DSCAML1: variants seen among roughly 807,000 people sequenced by gnomAD.
The protein encoded by DSCAML1 is cell adhesion molecule DSCAML1.
In DSCAML1, 38 loss-of-function variants were observed where a neutral mutation model predicts 200.5. The ratio of observed to expected loss-of-function variants is 0.19; its 90% CI spans 0.15 to 0.25. DSCAML1 has a LOEUF of 0.25. Ranked by LOEUF, DSCAML1 falls within the 10% of genes least tolerant of loss-of-function variation. The pLI is 1.00. For synonymous variants in DSCAML1, 1,215 were observed against 1,165.0 expected, an observed-to-expected ratio of 1.04 and a Z score of -0.87; for missense variants, 2,223 against 2,858.8, an observed-to-expected ratio of 0.78 and a Z score of 5.07.
At position 117,460,103 on chromosome 11, in the gene DSCAML1, G is replaced by A. The variant is rs191632576; in HGVS notation, c.3413-1194C>T. ...TTACTGAGGCTAATACATTCCTTAG[G>A]GGCTAAGCTGGAGAAGCCCGCAGGC... On this transcript the variant is annotated intron_variant, in intron 18 of 32. Coordinates refer to ENST00000651296, the MANE Select transcript of DSCAML1 (RefSeq NM_020693.4). Among the ~76,000 whole-genome samples, 7 of 152,340 alleles carry A rather than the reference G, an allele frequency of 4.6e-5. No individual in the cohort carries two copies. In the East Asian group the frequency reaches 7.7e-4, roughly 17 times the overall value.
intron 3 of DSCAML1, among the ~76,000 whole-genome samples, chr11:117,696,924 G>A (rs1361538576): frequency 6.6e-6 from 1 of 152,146 alleles, no homozygotes; most frequent in Non-Finnish European, 1.5e-5. Context: ...GGCAGCTGCT[G>A]GCATTTAAGC....
At chr11:117,564,292 G>A (rs924230337) in intron 3 of DSCAML1, among the ~76,000 whole-genome samples, 2 of 152,106 alleles carry the variant, frequency 1.3e-5, no homozygotes, top group South Asian at 2.1e-4. Flanking sequence ...ATTGCCTTCC[G>A]AGATGGAATC....
chr11:117,746,636 G>A (rs1251987165), intron 3 of DSCAML1, among the ~76,000 whole-genome samples: 1 of 152,184 alleles, frequency 6.6e-6, no homozygotes, highest in Non-Finnish European at 1.5e-5. Flanking sequence ...CCTAGCAGCT[G>A]CTGACACTCC....
intron 3 of DSCAML1, among the ~76,000 whole-genome samples, chr11:117,643,736 C>T (rs2052460756): frequency 6.6e-6 from 1 of 152,124 alleles, no homozygotes; most frequent in Admixed American, 6.5e-5. Context: ...GGTGATCACC[C>T]AGGCACCATC....
chr11:117,696,514 G>A (rs1389679580), intron 3 of DSCAML1, among the ~76,000 whole-genome samples: 1 of 152,190 alleles, frequency 6.6e-6, no homozygotes, highest in Non-Finnish European at 1.5e-5. Context: ...CCCTGTTTCA[G>A]TTTGGTCATT....
chr11:117,772,548 C>T (rs2055058492), intron 3 of DSCAML1, among the ~76,000 whole-genome samples: 1 of 152,188 alleles, frequency 6.6e-6, no homozygotes, highest in South Asian at 2.1e-4. Context: ...CCAAACTCCC[C>T]GCTGGGGCCA....
At chr11:117,743,087 C>T (rs1386080377) in intron 3 of DSCAML1, among the ~76,000 whole-genome samples, 6 of 152,184 alleles carry the variant, frequency 3.9e-5, no homozygotes, top group Non-Finnish European at 5.9e-5. Flanking sequence ...TTTGAGCCAA[C>T]CTCTGTGCTA....
At chr11:117,454,683 T>C (rs1460302051) in intron 19 of DSCAML1, among the ~76,000 whole-genome samples, 1 of 152,252 alleles carries the variant, frequency 6.6e-6, no homozygotes. Flanking sequence ...ACACGGCATT[T>C]GCAAAATAGT....
chr11:117,428,051 CTATATATGTA>C lies in DSCAML1; in HGVS notation c.*267_*276del. On this transcript the variant is annotated 3_prime_UTR_variant, in exon 33 of 33. Coordinates refer to ENST00000651296, the MANE Select transcript of DSCAML1 (RefSeq NM_020693.4). ...AGCTCGTGGACGCGTTCCTGTCTGT[CTATATATGTA>C]TATATATCTCCACACATATTTTGTG... 5.8e-6 allele frequency: 2 copies of C among 342,714 alleles called. No individual in the cohort carries two copies. Among genetic ancestry groups the C allele is most frequent in the Non-Finnish European group, 1.0e-5 (2 of 190,480 alleles). 21.2% of individuals were successfully genotyped at this position (342,714 alleles called of 1,614,324 possible).
rs2048897851 is a variant in DSCAML1, at chr11:117,480,749, G to C, written c.2657-178C>G. The stretch of plus-strand genomic sequence containing the variant: ...CAGGCTTGGAGGCTGAGGAGGCCTG[G>C]CTTGCTCTCCTGTCTTGCTGCCATC... On this transcript the variant is annotated intron_variant, in intron 13 of 32. Coordinates refer to ENST00000651296, the MANE Select transcript of DSCAML1 (RefSeq NM_020693.4). The surrounding 1 kb of genome is among the most constrained non-coding windows in gnomAD (Gnocchi z 4.1). 6.6e-6 allele frequency among the ~76,000 whole-genome samples: 1 copy of C among 152,146 alleles called. No individual in the cohort carries two copies.
At chr11:117,632,227 C>T (rs116979369) in intron 3 of DSCAML1, among the ~76,000 whole-genome samples, 2,398 of 152,308 alleles carry the variant, frequency 0.016, 31 homozygotes, top group East Asian at 0.058. Flanking sequence ...TCTCCTAAAG[C>T]CTCCTTATCA....
chr11:117,501,554 A>G (rs1407472439), intron 11 of DSCAML1, among the ~76,000 whole-genome samples: 2 of 152,040 alleles, frequency 1.3e-5, no homozygotes, highest in Non-Finnish European at 2.9e-5. Flanking sequence ...TCTGGGTGGC[A>G]TGAGGGCCTC....
chr11:117,615,143 C>T (rs1241876810), intron 3 of DSCAML1, among the ~76,000 whole-genome samples: 3 of 152,166 alleles, frequency 2.0e-5, no homozygotes, highest in Non-Finnish European at 4.4e-5. Context: ...CAGTTGAGTC[C>T]CTGGTGGCTC....
chr11:117,530,499 G>A (rs867469568), intron 4 of DSCAML1, among the ~76,000 whole-genome samples: 8 of 152,360 alleles, frequency 5.3e-5, no homozygotes, highest in African/African-American at 1.9e-4. Flanking sequence ...GCTGCACGGA[G>A]CAGCCCCGTC....
rs2049431691 is a variant in DSCAML1 at position 117,503,252 on chromosome 11, T to C, written c.2359+593A>G. On this transcript the variant is annotated intron_variant, in intron 11 of 32. Transcript: ENST00000651296. This position sits in a 1 kb window ranked among gnomAD's most constrained non-coding sequence, Gnocchi z 5.2. The stretch of plus-strand genomic sequence containing the variant: ...GGGCTTTTCTGAAGCATCCTCCTCT[T>C]TCCAAGATCAGTTCCTGCAGGACTC... Among the ~76,000 whole-genome samples the C allele has an allele frequency of 6.6e-6, 1 of 152,158 alleles. No homozygotes were observed. The highest frequency in any genetic ancestry group is 2.4e-5 in the African/African-American group (1 of 41,434).
At position 117,505,436 on chromosome 11, in the gene DSCAML1, T is replaced by C; in HGVS notation, c.2062+18A>G. 6.2e-7 allele frequency: 1 copy of C among 1,602,562 alleles called. No individual in the cohort carries two copies. The highest frequency in any genetic ancestry group is 2.2e-5 in the East Asian group (1 of 44,748). ...AATGGGCTCCTCCCTCCCCTGAGGC[T>C]GGCCTGTCCCTGCTCACCACGCACG... On this transcript the variant is annotated intron_variant, in intron 9 of 32. Coordinates refer to ENST00000651296, the MANE Select transcript of DSCAML1 (RefSeq NM_020693.4). The surrounding 1 kb of genome is among the most constrained non-coding windows in gnomAD (Gnocchi z 6.7).
At chr11:117,614,129 C>A (rs1442609078) in intron 3 of DSCAML1, among the ~76,000 whole-genome samples, 1 of 151,812 alleles carries the variant, frequency 6.6e-6, no homozygotes, top group African/African-American at 2.4e-5. Flanking sequence ...TCTCCCTTAT[C>A]TCTCTCTCTC....
chr11:117,759,424 G>C (rs1296106826), intron 3 of DSCAML1, among the ~76,000 whole-genome samples: 3 of 152,062 alleles, frequency 2.0e-5, no homozygotes, highest in Non-Finnish European at 1.5e-5. Flanking sequence ...CCTCTGCCCA[G>C]GACACCCTCT....
At chr11:117,606,029 T>G (rs1324520344) in intron 3 of DSCAML1, among the ~76,000 whole-genome samples, 1 of 152,094 alleles carries the variant, frequency 6.6e-6, no homozygotes, top group East Asian at 1.9e-4. Context: ...AGGCTTCCAT[T>G]CTGTATAATA....
Sources: allele counts gnomAD v4.1 joint callset (sites outside exome capture counted in the v4.1 genomes callset), GRCh38; gene constraint gnomAD v4.1.1; non-coding constraint Gnocchi (gnomAD v3.1); transcripts MANE v1.5; gene names NCBI Gene and HGNC (gene_info 2026-07-23, HGNC 2026-07-21).